Variants in YTHDF2 observed in about 807,000 individuals in gnomAD.
The protein encoded by YTHDF2 is YTH domain-containing family protein 2.
In YTHDF2, 2 loss-of-function variants were observed where a neutral mutation model predicts 50.4. The ratio of observed to expected loss-of-function variants is 0.04; its 90% confidence interval spans 0.02 to 0.12. The LOEUF is 0.12. Ranked by LOEUF, YTHDF2 falls within the 10% of genes least tolerant of loss-of-function variation. The pLI is 1.00. For synonymous variants in YTHDF2, 217 were observed against 255.6 expected, an observed-to-expected ratio of 0.85 and a Z score of 1.44; for missense variants, 483 against 722.6, an observed-to-expected ratio of 0.67 and a Z score of 3.80.
chr1:28,738,794 C>T (rs2087734569), intron 3 of YTHDF2, among the ~76,000 whole-genome samples: 1 of 152,154 alleles, frequency 6.6e-6, no homozygotes, highest in Admixed American at 6.5e-5. Flanking sequence ...CAGGAAATCC[C>T]ATGTTCTGAG....
At position 28,742,941 on chromosome 1, in the gene YTHDF2, A is replaced by C. The variant is rs180708374; in HGVS notation, c.671A>C (p.Asn224Thr). 1.9e-6 allele frequency: 3 copies of C among 1,614,022 alleles called. No individual in the cohort carries two copies. Among genetic ancestry groups the C allele is most frequent in the Non-Finnish European group, 2.5e-6 (3 of 1,180,036 alleles). ...ATTACTAGTAACATCGTGGCTTCCAATAGTTTGCCTCCAGCCACCATTGCT... is the reference window on the plus strand; with the variant it reads ...ATTACTAGTAACATCGTGGCTTCCACTAGTTTGCCTCCAGCCACCATTGCT... ...GSITSNIVAS[N>T]SLPPATIAPP... Residue 224 changes from asparagine to threonine, a missense_variant, in exon 4 of 5, where the codon AAT (asparagine) becomes ACT (threonine). By Grantham distance (65) the Asn-to-Thr change is moderately conservative. Around this residue, in one of 4 missense-constraint regions of YTHDF2, gnomAD observed 385 missense variants for 475.8 expected, o/e 0.81. Coordinates refer to ENST00000373812, the MANE Select transcript of YTHDF2 (RefSeq NM_016258.3).
At chr1:28,751,314 A>G (rs1044654820) in intron 4 of YTHDF2, among the ~76,000 whole-genome samples, 71 of 152,116 alleles carry the variant, frequency 4.7e-4, no homozygotes, top group African/African-American at 1.7e-3. Flanking sequence ...TGAGCTAAAT[A>G]TATTAAATCC....
intron 4 of YTHDF2, among the ~76,000 whole-genome samples, chr1:28,767,097 C>T (rs1044781688): frequency 3.3e-5 from 5 of 151,004 alleles, no homozygotes; most frequent in Admixed American, 1.3e-4. Flanking sequence ...TCTGCCTTGG[C>T]CTCCCAAAGT....
intron 3 of YTHDF2, chr1:28,739,000 T>G (rs1247100531): frequency 6.6e-6 from 1 of 152,238 alleles, no homozygotes; most frequent in East Asian, 1.9e-4. Flanking sequence ...GTGCAGAATT[T>G]AGGGATTCTT....
intron 4 of YTHDF2, among the ~76,000 whole-genome samples, chr1:28,759,161 A>G (rs2088076906): frequency 1.3e-5 from 2 of 152,198 alleles, no homozygotes; most frequent in South Asian, 4.1e-4. Flanking sequence ...TATCAGCTCT[A>G]CAAGTGATTC....
chr1:28,760,633 A>G (rs1445373199), intron 4 of YTHDF2, among the ~76,000 whole-genome samples: 1 of 151,470 alleles, frequency 6.6e-6, no homozygotes, highest in African/African-American at 2.4e-5. Context: ...GCTGGAGTAC[A>G]GTGGTGTGAT....
intron 4 of YTHDF2, among the ~76,000 whole-genome samples, chr1:28,767,582 C>T (rs1361213223): frequency 6.6e-6 from 1 of 152,060 alleles, no homozygotes; most frequent in Non-Finnish European, 1.5e-5. Context: ...GATCTCGGCT[C>T]ACTGCAAGCT....
At chr1:28,750,543 C>T (rs1380947491) in intron 4 of YTHDF2, among the ~76,000 whole-genome samples, 1 of 152,078 alleles carries the variant, frequency 6.6e-6, no homozygotes, top group Admixed American at 6.6e-5. Flanking sequence ...GATAACATTT[C>T]AGGTTTGTGA....
At chr1:28,768,612 A>T (rs536359252) in intron 4 of YTHDF2, among the ~76,000 whole-genome samples, 2 of 152,272 alleles carry the variant, frequency 1.3e-5, no homozygotes, top group East Asian at 3.9e-4. Flanking sequence ...TTATCTGACC[A>T]GTCATGTATG....
intron 3 of YTHDF2, chr1:28,740,474 A>C (rs568958860): frequency 2.1e-4 from 32 of 152,324 alleles, no homozygotes; most frequent in African/African-American, 7.7e-4. Flanking sequence ...TAGATGAGGA[A>C]GGGTAACCTG....
upstream of YTHDF2, chr1:28,736,803 C>T (rs1465582389): frequency 5.6e-6 from 2 of 357,918 alleles, no homozygotes; most frequent in Admixed American, 5.1e-5. Flanking sequence ...GGGCCCCTTC[C>T]GCGTGGGTGA....
intron 4 of YTHDF2, among the ~76,000 whole-genome samples, chr1:28,752,228 T>A (rs1292600824): frequency 6.6e-6 from 1 of 152,234 alleles, no homozygotes; most frequent in African/African-American, 2.4e-5. Context: ...TTACAGCTGT[T>A]GTATCAATAT....
chr1:28,756,202 T>C (rs2088033436), intron 4 of YTHDF2, among the ~76,000 whole-genome samples: 1 of 152,182 alleles, frequency 6.6e-6, no homozygotes, highest in African/African-American at 2.4e-5. Context: ...TTTGGTGAAA[T>C]AGACTATGTA....
chr1:28,761,106 A>AGT (rs137903917), intron 4 of YTHDF2, among the ~76,000 whole-genome samples: 10,077 of 121,680 alleles, frequency 0.083, 508 homozygotes, highest in Non-Finnish European at 0.12. Context: ...ATCGTGCATG[A>AGT]GTGTGTGTGT....
chr1:28,754,824 C>G (rs1440710820), intron 4 of YTHDF2, among the ~76,000 whole-genome samples: 2 of 151,630 alleles, frequency 1.3e-5, no homozygotes, highest in African/African-American at 4.8e-5. Flanking sequence ...AAAAAATTAG[C>G]CAAGAGTGGT....
chr1:28,737,332 C>G (rs1055494778), intron 1 of YTHDF2, 185 bp downstream of exon 1: 1 of 772,628 alleles, frequency 1.3e-6, no homozygotes, highest in Non-Finnish European at 1.9e-6. Context: ...CCCGCTTCTC[C>G]TCGGGCCTCG....
At chr1:28,739,733 A>C (rs2087748785) in intron 3 of YTHDF2, among the ~76,000 whole-genome samples, 2 of 152,146 alleles carry the variant, frequency 1.3e-5, no homozygotes, top group South Asian at 4.2e-4. Flanking sequence ...AAGATCAATA[A>C]CGTTGGAGGT....
intron 4 of YTHDF2, among the ~76,000 whole-genome samples, chr1:28,764,445 TTTG>T: frequency 6.6e-6 from 1 of 151,378 alleles, no homozygotes; most frequent in African/African-American, 2.4e-5. Flanking sequence ...TAATTTTTTT[TTTG>T]TTTTTTTTAG....
At chr1:28,759,828 C>T (rs1446948570) in intron 4 of YTHDF2, among the ~76,000 whole-genome samples, 4 of 152,040 alleles carry the variant, frequency 2.6e-5, no homozygotes, top group Admixed American at 2.0e-4. Context: ...TGGTGGTGCA[C>T]ACCTGTAATC....
Sources: gnomAD v4.1 joint callset for allele counts (sites outside exome capture counted in the v4.1 genomes callset) on GRCh38, gnomAD v4.1.1 for gene constraint, gnomAD v4.1.1 regional missense constraint, MANE v1.5 for transcripts, NCBI Gene and HGNC (gene_info 2026-07-23, HGNC 2026-07-21) for gene names.